The following PTPRD variants were observed in gnomAD, a reference collection of about 807,000 sequenced individuals.
PTPRD encodes protein tyrosine phosphatase receptor type D.
In PTPRD, 34 loss-of-function variants were observed where a neutral mutation model predicts 214.5. The ratio of observed to expected loss-of-function variants is 0.16; its 90% CI spans 0.12 to 0.21. The LOEUF (loss-of-function observed/expected upper bound fraction) is 0.21. Among genes scored for constraint, PTPRD ranks in the 10% least tolerant of loss-of-function variants. The pLI is 1.00. For missense variants in PTPRD, 2,545 were observed against 2,398.7 expected (o/e 1.06, Z -1.27); for synonymous variants, 1,128 against 845.7 (o/e 1.33, Z -5.79).
At chr9:10,433,163 C>T (rs2098694496) in intron 2 of PTPRD, among the ~76,000 whole-genome samples, 1 of 151,844 alleles carries the variant, frequency 6.6e-6, no homozygotes, top group African/African-American at 2.4e-5. Context: ...AATAACTCAT[C>T]TGAAGACCCA....
chr9:8,912,308 G>C (rs1051023905), intron 11 of PTPRD, among the ~76,000 whole-genome samples: 1 of 152,148 alleles, frequency 6.6e-6, no homozygotes, highest in Non-Finnish European at 1.5e-5. Context: ...TTGGAATGGA[G>C]TAATAACGAG....
At chr9:8,997,383 C>A (rs1400549330) in intron 11 of PTPRD, among the ~76,000 whole-genome samples, 1 of 152,034 alleles carries the variant, frequency 6.6e-6, no homozygotes, top group Non-Finnish European at 1.5e-5. Flanking sequence ...GTAATTTTCA[C>A]AATATTTCAA....
chr9:10,083,003 G>T (rs183873772), intron 3 of PTPRD, among the ~76,000 whole-genome samples: 35 of 152,022 alleles, frequency 2.3e-4, no homozygotes, highest in Non-Finnish European at 4.1e-4. Flanking sequence ...CAACATTAAA[G>T]ACTTTCTCCC....
chr9:10,382,429 G>T (rs1433075543), intron 2 of PTPRD, among the ~76,000 whole-genome samples: 1 of 151,802 alleles, frequency 6.6e-6, no homozygotes, highest in Admixed American at 6.6e-5. Context: ...TTCTAGAACT[G>T]ACTTGCCATT....
intron 6 of PTPRD, among the ~76,000 whole-genome samples, chr9:9,758,669 G>GCTTGGTTT (rs1460143837): frequency 6.6e-6 from 1 of 151,988 alleles, no homozygotes; most frequent in Non-Finnish European, 1.5e-5. Flanking sequence ...AAGACAGACA[G>GCTTGGTTT]CAGGGAAGCA....
intron 8 of PTPRD, among the ~76,000 whole-genome samples, chr9:9,543,217 A>G (rs1329615192): frequency 1.3e-5 from 2 of 151,754 alleles, no homozygotes; most frequent in East Asian, 3.9e-4. Flanking sequence ...TGCATATTTT[A>G]AGATTCCATT....
chr9:8,379,295 C>T (rs1045423913), intron 37 of PTPRD, among the ~76,000 whole-genome samples: 2 of 152,136 alleles, frequency 1.3e-5, no homozygotes, highest in Non-Finnish European at 2.9e-5. Flanking sequence ...CTGAGCTTAT[C>T]TGAATAGTGA....
At chr9:10,052,442 C>A (rs1370711512) in intron 3 of PTPRD, among the ~76,000 whole-genome samples, 3 of 152,032 alleles carry the variant, frequency 2.0e-5, no homozygotes, top group Non-Finnish European at 4.4e-5. Context: ...TCAACTGTAA[C>A]TTGAAAATAC....
chr9:8,791,456 C>T (rs1473183067), intron 11 of PTPRD, among the ~76,000 whole-genome samples: 2 of 151,438 alleles, frequency 1.3e-5, no homozygotes, highest in Admixed American at 1.3e-4. Flanking sequence ...GAACTCCTGA[C>T]CTCACGATCT....
At chr9:8,345,191 G>A (rs951716186) in intron 39 of PTPRD, among the ~76,000 whole-genome samples, 1 of 151,996 alleles carries the variant, frequency 6.6e-6, no homozygotes, top group South Asian at 2.1e-4. Flanking sequence ...GCAGGCAAGG[G>A]CCTTCCTACC....
intron 2 of PTPRD, among the ~76,000 whole-genome samples, chr9:10,424,559 C>G (rs1260119825): frequency 1.3e-5 from 2 of 151,842 alleles, no homozygotes; most frequent in Non-Finnish European, 1.5e-5. Flanking sequence ...GCTCTCCTGA[C>G]GCTTACTTGT....
rs756531857 is a variant in PTPRD, at chr9:8,375,931, C to T, written c.4661+5G>A. On this transcript the variant is annotated splice_donor_5th_base_variant and intron_variant, in intron 39 of 45. Coordinates refer to ENST00000381196, the MANE Select transcript of PTPRD (RefSeq NM_002839.4). ...CCTGACTGCAAGTGAACAAACGCTT[C>T]TTACCTGCAGTGCACAACCATCGGA... The T allele has an allele frequency of 1.9e-5, 31 of 1,609,024 alleles. No homozygotes were observed. Among genetic ancestry groups the T allele is most frequent in the South Asian group, 1.9e-4 (17 of 90,300 alleles).
At chr9:9,872,696 G>A (rs960538204) in intron 5 of PTPRD, among the ~76,000 whole-genome samples, 4 of 152,102 alleles carry the variant, frequency 2.6e-5, no homozygotes, top group African/African-American at 9.7e-5. Context: ...ACAGTGCCTG[G>A]TACCTTGAAT....
chr9:9,793,040 C>A (rs568585440), intron 5 of PTPRD, among the ~76,000 whole-genome samples: 10 of 152,012 alleles, frequency 6.6e-5, no homozygotes, highest in Non-Finnish European at 1.3e-4. Flanking sequence ...CAAAAATGAC[C>A]TTGTAACTTC....
chr9:8,520,627 T>C (rs2138782212), intron 20 of PTPRD, among the ~76,000 whole-genome samples: 1 of 152,304 alleles, frequency 6.6e-6, no homozygotes, highest in Non-Finnish European at 1.5e-5. Flanking sequence ...ACGGTACCCT[T>C]ACATGCTTGT....
chr9:8,831,812 T>A (rs761314514), intron 11 of PTPRD, among the ~76,000 whole-genome samples: 7 of 152,162 alleles, frequency 4.6e-5, no homozygotes, highest in Non-Finnish European at 8.8e-5. Flanking sequence ...TCAGAGAAAG[T>A]TTCACAAAAC....
At chr9:10,483,824 G>A (rs1033323379) in intron 2 of PTPRD, among the ~76,000 whole-genome samples, 2 of 152,106 alleles carry the variant, frequency 1.3e-5, no homozygotes, top group African/African-American at 2.4e-5. Flanking sequence ...CACACTGCCG[G>A]TGAGAATGTA....
chr9:10,512,052 G>GTATA (rs142057374), intron 2 of PTPRD, among the ~76,000 whole-genome samples: 8 of 124,420 alleles, frequency 6.4e-5, no homozygotes, highest in Non-Finnish European at 8.4e-5. Context: ...ATACACACAC[G>GTATA]TATATATATA....
chr9:9,842,574 C>T (rs1183696728), intron 5 of PTPRD, among the ~76,000 whole-genome samples: 2 of 151,788 alleles, frequency 1.3e-5, no homozygotes, highest in East Asian at 1.9e-4. Flanking sequence ...AATTATAAAA[C>T]TAGTATCGTT....
Sources: allele counts gnomAD v4.1 joint callset (sites outside exome capture counted in the v4.1 genomes callset), GRCh38; gene constraint gnomAD v4.1.1; transcripts MANE v1.5; gene names NCBI Gene and HGNC (gene_info 2026-07-23, HGNC 2026-07-21).